The following NAA60 variants were observed in gnomAD, a reference collection of about 807,000 sequenced individuals.
The protein encoded by NAA60 is N-alpha-acetyltransferase 60.
NAA60 carries 8 observed loss-of-function variants against 26.1 expected under a neutral mutation model. The ratio of observed to expected loss-of-function variants is 0.31; its 90% CI spans 0.18 to 0.55. The LOEUF is 0.55. Among genes scored for constraint, NAA60 ranks in the 20% least tolerant of loss-of-function variants. The pLI is 0.93. For synonymous variants in NAA60, 131 were observed against 122.5 expected, an observed-to-expected ratio of 1.07 and a Z score of -0.46; for missense variants, 290 against 311.3, an observed-to-expected ratio of 0.93 and a Z score of 0.51.
chr16:3,443,699 C>T lies in NAA60; in HGVS notation c.-215C>T. 1 of 1,415,888 alleles carries T rather than the reference C, an allele frequency of 7.1e-7. No homozygotes were observed. Among genetic ancestry groups the T allele is most frequent in the Non-Finnish European group, 9.2e-7 (1 of 1,086,208 alleles). 87.7% of individuals were successfully genotyped at this position (1,415,888 alleles called of 1,614,324 possible). On this transcript the variant is annotated 5_prime_UTR_variant, in exon 1 of 8. Coordinates refer to ENST00000407558, the MANE Select transcript of NAA60 (RefSeq NM_001083601.3). Reference sequence around the variant, plus strand: ...CCATTTCCGCTTCCGCTGGCGGGGTCTCCTCCGTGAGCTCCGGGCCTGTTT... The same window carrying T: ...CCATTTCCGCTTCCGCTGGCGGGGTTTCCTCCGTGAGCTCCGGGCCTGTTT...
Position 3,476,696 on chromosome 16 carries a change from C to T in NAA60, c.110+359C>T, listed in dbSNP as rs542436033. ...ATTAGAGTATGTGCATATAAAAGTG[C>T]AATATTATTCAGCCGGGAAAAAAAA... On this transcript the variant is annotated intron_variant, in intron 3 of 7. Coordinates refer to ENST00000407558, the MANE Select transcript of NAA60 (RefSeq NM_001083601.3). 1.6e-4 allele frequency among the ~76,000 whole-genome samples: 24 copies of T among 151,720 alleles called. No individual in the cohort carries two copies. The South Asian group carries it at 4.8e-3, about 30-fold the overall frequency.
In NAA60 at chr16:3,484,957, C is replaced by T; in HGVS notation, c.*102C>T. 3 of 1,534,588 alleles carry T rather than the reference C, an allele frequency of 2.0e-6. No homozygotes were observed. Among genetic ancestry groups the T allele is most frequent in the Middle Eastern group, 1.7e-4 (1 of 5,980 alleles). On this transcript the variant is annotated 3_prime_UTR_variant, in exon 7 of 8. Transcript: ENST00000407558. Reference sequence around the variant, plus strand: ...TCTGTTTTCTGCAAGGAGCTGCCAGCCATCTAACTGGGCTCGTCGGCCTGC... The same window carrying T: ...TCTGTTTTCTGCAAGGAGCTGCCAGTCATCTAACTGGGCTCGTCGGCCTGC...
intron 2 of NAA60, among the ~76,000 whole-genome samples, chr16:3,472,590 G>A (rs371884738): frequency 3.9e-5 from 6 of 151,946 alleles, no homozygotes; most frequent in East Asian, 1.9e-4. Context: ...CTGCCACTGC[G>A]CCCAGCTAAT....
intron 2 of NAA60, among the ~76,000 whole-genome samples, chr16:3,470,978 C>CCAG (rs59698966): frequency 6.6e-6 from 1 of 151,854 alleles, no homozygotes; most frequent in African/African-American, 2.4e-5. Flanking sequence ...ATTTTTAAAT[C>CCAG]GAGTGTAAAG....
At chr16:3,457,377 G>C (rs1324422925) in intron 2 of NAA60, among the ~76,000 whole-genome samples, 1 of 152,216 alleles carries the variant, frequency 6.6e-6, no homozygotes, top group South Asian at 2.1e-4. Context: ...CTGAGGCGGA[G>C]GCCAGGAGTT....
At chr16:3,465,547 G>T (rs2035699766) in intron 2 of NAA60, among the ~76,000 whole-genome samples, 1 of 152,280 alleles carries the variant, frequency 6.6e-6, no homozygotes. Flanking sequence ...CTGTCCCCCA[G>T]GCTGCAGACG....
chr16:3,473,258 GAC>G (rs1471295356), intron 2 of NAA60, among the ~76,000 whole-genome samples: 2 of 152,120 alleles, frequency 1.3e-5, no homozygotes, highest in African/African-American at 4.8e-5. Flanking sequence ...TGCTGATAAA[GAC>G]ACACCAGAGA....
At chr16:3,444,546 A>G (rs758132522) in intron 1 of NAA60, among the ~76,000 whole-genome samples, 22 of 152,238 alleles carry the variant, frequency 1.4e-4, no homozygotes, top group Non-Finnish European at 1.6e-4. Flanking sequence ...TCCTGTATCT[A>G]AAAGCTTAAT....
At chr16:3,479,732 C>A in intron 4 of NAA60, 132 bp downstream of exon 4, 1 of 992,688 alleles carries the variant, frequency 1.0e-6, no homozygotes, top group Non-Finnish European at 1.5e-6. Context: ...ATCCAAGTGG[C>A]CAACGACACT....
Position 3,467,106 on chromosome 16 carries a change from C to G in NAA60, c.-6-9116C>G, listed in dbSNP as rs28522760. On this transcript the variant is annotated intron_variant, in intron 2 of 7. Transcript: ENST00000407558. ...GGTGCTTGGGCCAGAGAGAAAGAGC[C>G]TGAGGAGCTGGACCAGGGGTTGGGG... Among the ~76,000 whole-genome samples the G allele has an allele frequency of 8.4e-3, 1,280 of 152,192 alleles. 15 individuals are homozygous for G. Among genetic ancestry groups the G allele is most frequent in the Middle Eastern group, 0.024 (7 of 294 alleles).
At chr16:3,459,451 G>A (rs1376676339) in intron 2 of NAA60, among the ~76,000 whole-genome samples, 1 of 152,226 alleles carries the variant, frequency 6.6e-6, no homozygotes, top group African/African-American at 2.4e-5. Flanking sequence ...TAGAGAAGGT[G>A]AGATTAAAGA....
At chr16:3,462,958 T>C (rs917399551) in intron 2 of NAA60, among the ~76,000 whole-genome samples, 1 of 152,198 alleles carries the variant, frequency 6.6e-6, no homozygotes, top group Admixed American at 6.5e-5. Context: ...TAAAATTAGA[T>C]TTTATATAGC....
chr16:3,473,137 G>T (rs2036257117), intron 2 of NAA60, among the ~76,000 whole-genome samples: 1 of 152,138 alleles, frequency 6.6e-6, no homozygotes, highest in African/African-American at 2.4e-5. Flanking sequence ...CCGGGTTCAA[G>T]CGATTCTTGA....
At chr16:3,443,930 C>T (rs1050088546) in intron 1 of NAA60, 93 bp downstream of exon 1, 2 of 1,443,404 alleles carry the variant, frequency 1.4e-6, no homozygotes, top group Non-Finnish European at 1.8e-6. Context: ...CTAGCCTGGG[C>T]TTGAGCTGTC....
At chr16:3,445,626 C>T (rs535514207) in intron 1 of NAA60, among the ~76,000 whole-genome samples, 3 of 152,164 alleles carry the variant, frequency 2.0e-5, no homozygotes, top group Non-Finnish European at 4.4e-5. Context: ...CTGAGATTCT[C>T]CTTATCTGGA....
At position 3,473,711 on chromosome 16, in the gene NAA60, TTGTTGTTG is replaced by T. The variant is rs1567388013; in HGVS notation, c.-6-2509_-6-2502del. On this transcript the variant is annotated intron_variant, in intron 2 of 7. Coordinates refer to ENST00000407558, the MANE Select transcript of NAA60 (RefSeq NM_001083601.3). ...CACCATGCTTGGCCCCAGCTTTTTG[TTGTTGTTG>T]TTGTTGTTGTTGTTGTTGTTGTTGT... is the stretch of plus-strand genomic sequence containing the variant. Among the ~76,000 whole-genome samples the T allele has an allele frequency of 1.2e-4, 7 of 58,150 alleles. No individual in the cohort carries two copies. The East Asian group carries it at 9.9e-3, about 82-fold the overall frequency. The allele number at this position is 58,150 out of a possible 152,430, so 38.1% of individuals were successfully genotyped here.
chr16:3,448,559 T>C lies in NAA60; in HGVS notation c.-7+19T>C. Reference sequence around the variant, plus strand: ...CCAGAGAGTGAGTCAAAGCGCTCTGTGTCCTGCTATTAATGATGCCCTCAT... The same window carrying C: ...CCAGAGAGTGAGTCAAAGCGCTCTGCGTCCTGCTATTAATGATGCCCTCAT... On this transcript the variant is annotated intron_variant, in intron 2 of 7. Transcript: ENST00000407558. 1 of 1,532,134 alleles carries C rather than the reference T, an allele frequency of 6.5e-7. No homozygotes were observed. Among genetic ancestry groups the C allele is most frequent in the Non-Finnish European group, 8.7e-7 (1 of 1,143,966 alleles). The allele number at this position is 1,532,134 out of a possible 1,614,324, so 94.9% of individuals were successfully genotyped here.
chr16:3,464,608 G>A (rs2035621335), intron 2 of NAA60, among the ~76,000 whole-genome samples: 1 of 152,154 alleles, frequency 6.6e-6, no homozygotes, highest in Non-Finnish European at 1.5e-5. Flanking sequence ...TCTTGGTTGA[G>A]CCTTAAACAG....
intron 2 of NAA60, chr16:3,472,111 G>A (rs1229768667): frequency 6.6e-6 from 1 of 152,180 alleles, no homozygotes; most frequent in Non-Finnish European, 1.5e-5. Context: ...TGCGTTTTGA[G>A]ACCTCAGTGG....
Sources: allele counts gnomAD v4.1 joint callset (sites outside exome capture counted in the v4.1 genomes callset), GRCh38; gene constraint gnomAD v4.1.1; transcripts MANE v1.5; gene names NCBI Gene and HGNC (gene_info 2026-07-23, HGNC 2026-07-21).